Variants in MGAT4A observed in about 807,000 individuals in gnomAD.
MGAT4A encodes the protein alpha-1,3-mannosyl-glycoprotein 4-beta-N-acetylglucosaminyltransferase A, also known as N-acetylglucosaminyltransferase IVa.
MGAT4A carries 33 observed loss-of-function variants against 74.1 expected under a neutral mutation model. The observed-to-expected ratio is 0.45, with a 90% confidence interval of 0.34 to 0.60. The LOEUF (loss-of-function observed/expected upper bound fraction) is 0.60, where lower values mean the gene tolerates loss of function less well. Ranked by LOEUF, MGAT4A falls within the 20% of genes least tolerant of loss-of-function variation. The pLI, the probability that MGAT4A is intolerant of heterozygous loss-of-function variation, is 0.02. For synonymous variants in MGAT4A, 198 were observed against 210.4 expected (o/e 0.94, Z 0.51); for missense variants, 479 against 628.3 (o/e 0.76, Z 2.54).
chr2:98,667,014 C>G, intron 4 of MGAT4A, among the ~76,000 whole-genome samples: 1 of 152,174 alleles, frequency 6.6e-6, no homozygotes, highest in Admixed American at 6.5e-5. Context: ...GGGGGCAAAT[C>G]TTTCCTGTGC....
chr2:98,649,547 G>A (rs1414676329), intron 8 of MGAT4A, among the ~76,000 whole-genome samples: 2 of 152,138 alleles, frequency 1.3e-5, no homozygotes, highest in Non-Finnish European at 2.9e-5. Flanking sequence ...AGGGCACCAG[G>A]TTGGGAGCTA....
intron 2 of MGAT4A, among the ~76,000 whole-genome samples, chr2:98,686,683 A>G (rs1409984696): frequency 6.6e-6 from 1 of 152,020 alleles, no homozygotes; most frequent in Non-Finnish European, 1.5e-5. Flanking sequence ...AAGAGCTGGG[A>G]TTACAGGTGC....
chr2:98,677,877 T>G (rs778717851), intron 3 of MGAT4A, among the ~76,000 whole-genome samples: 137 of 147,426 alleles, frequency 9.3e-4, no homozygotes, highest in Non-Finnish European at 1.8e-3. Context: ...CTGAAAGGGC[T>G]GGCTTATAAA....
intron 4 of MGAT4A, among the ~76,000 whole-genome samples, chr2:98,665,077 C>T (rs1181652413): frequency 6.6e-6 from 1 of 152,058 alleles, no homozygotes; most frequent in Non-Finnish European, 1.5e-5. Flanking sequence ...TGCCTGTAAT[C>T]CCAGCACTTT....
At chr2:98,651,009 G>A (rs910018905) in intron 8 of MGAT4A, among the ~76,000 whole-genome samples, 5 of 151,976 alleles carry the variant, frequency 3.3e-5, no homozygotes, top group African/African-American at 1.2e-4. Context: ...AGGTTGCAGT[G>A]AGCTGGGATT....
chr2:98,719,529 T>C (rs191259833), intron 2 of MGAT4A, among the ~76,000 whole-genome samples: 168 of 152,104 alleles, frequency 1.1e-3, no homozygotes, highest in African/African-American at 3.8e-3. Context: ...AAAAAAATTA[T>C]GAGATGTGCA....
chr2:98,626,285 C>T (rs1701143240), intron 14 of MGAT4A, among the ~76,000 whole-genome samples: 1 of 152,126 alleles, frequency 6.6e-6, no homozygotes, highest in Non-Finnish European at 1.5e-5. Flanking sequence ...GGACTCAATA[C>T]AAGTGTATTC....
chr2:98,674,814 C>A (rs1305073380), intron 4 of MGAT4A, among the ~76,000 whole-genome samples: 1 of 152,096 alleles, frequency 6.6e-6, no homozygotes, highest in Non-Finnish European at 1.5e-5. Context: ...TGGGATGGGG[C>A]CTGAACTAGA....
chr2:98,688,202 T>C (rs1702152509), intron 2 of MGAT4A, among the ~76,000 whole-genome samples: 1 of 152,184 alleles, frequency 6.6e-6, no homozygotes, highest in South Asian at 2.1e-4. Context: ...TAGTCTTTCT[T>C]AGAAACCTCC....
chr2:98,680,790 T>C (rs901098721), intron 2 of MGAT4A, among the ~76,000 whole-genome samples: 4 of 152,166 alleles, frequency 2.6e-5, no homozygotes, highest in African/African-American at 7.2e-5. Flanking sequence ...CACAAAACTA[T>C]AAACAATTCT....
In MGAT4A at chr2:98,717,953, G is replaced by A. The variant is rs543227359; in HGVS notation, c.94+8286C>T. On this transcript the variant is annotated intron_variant, in intron 2 of 15. Transcript: ENST00000393487. ...AATTTTCCTTATATCGTATTTGAAA[G>A]CAGCTTTGCTTATTCTGTAAAGAAA... 3.3e-5 allele frequency among the ~76,000 whole-genome samples: 5 copies of A among 152,336 alleles called. No individual in the cohort carries two copies. In the South Asian group the frequency reaches 1.0e-3, roughly 32 times the overall value.
rs761124671 is a variant in MGAT4A, at chr2:98,625,805, A to C, written c.1499T>G (p.Met500Arg). The C allele has an allele frequency of 1.9e-6, 3 of 1,611,816 alleles. No individual in the cohort carries two copies. The Admixed American group carries it at 5.0e-5, about 27-fold the overall frequency. Residue 500 changes from methionine (M) to arginine (R), a missense_variant, in exon 15 of 16, where the codon ATG becomes AGG. Met to Arg is a moderately conservative substitution (Grantham distance 91). This residue lies in a region of MGAT4A where 236 missense variants were observed against 308.2 expected (regional missense o/e 0.77). Coordinates refer to ENST00000393487, the MANE Select transcript of MGAT4A (RefSeq NM_012214.3). ...AATGGGATTGAGACTTGGATCCACC[A>C]TTCCTTCTGCAACACCATTCTCAAA... ...GKFENGVAEG[M>R]VDPSLNPISA...
chr2:98,662,651 T>G (rs895272110), intron 5 of MGAT4A, among the ~76,000 whole-genome samples: 1 of 152,226 alleles, frequency 6.6e-6, no homozygotes, highest in Non-Finnish European at 1.5e-5. Flanking sequence ...GTATTTCTCA[T>G]TCACATGATT....
At chr2:98,647,603 G>A (rs1575249129) in intron 8 of MGAT4A, among the ~76,000 whole-genome samples, 1 of 152,244 alleles carries the variant, frequency 6.6e-6, no homozygotes, top group East Asian at 1.9e-4. Flanking sequence ...ACAGGCGTGA[G>A]CCACTGCGCC....
chr2:98,624,825 A>T lies in MGAT4A; in HGVS notation c.*741T>A. ...TACACCATACACAGTATAGTAAAGT[A>T]ACCCTCAGGAAGGACATTAGTCTTT... On this transcript the variant is annotated 3_prime_UTR_variant, in exon 16 of 16. Coordinates refer to ENST00000393487, the MANE Select transcript of MGAT4A (RefSeq NM_012214.3). The T allele has an allele frequency of 1.0e-6, 1 of 985,548 alleles. No individual in the cohort carries two copies. Among genetic ancestry groups the T allele is most frequent in the Non-Finnish European group, 1.2e-6 (1 of 829,596 alleles). 61.1% of individuals were successfully genotyped at this position (985,548 alleles called of 1,614,324 possible).
intron 8 of MGAT4A, among the ~76,000 whole-genome samples, chr2:98,651,744 A>G (rs190885637): frequency 3.0e-4 from 46 of 152,304 alleles, no homozygotes; most frequent in African/African-American, 1.1e-3. Context: ...AAATGGGTCA[A>G]ACATCCCAAT....
chr2:98,674,944 TGACCTCCCAG>T, intron 4 of MGAT4A, 81 bp downstream of exon 4: 1 of 1,345,142 alleles, frequency 7.4e-7, no homozygotes, highest in Non-Finnish European at 1.0e-6. Flanking sequence ...TTTCATTTTT[TGACCTCCCAG>T]ACTTCTGATG....
chr2:98,687,315 G>C (rs1206159783), intron 2 of MGAT4A, among the ~76,000 whole-genome samples: 1 of 152,108 alleles, frequency 6.6e-6, no homozygotes, highest in South Asian at 2.1e-4. Context: ...AGTTGTAACT[G>C]TTACAAACAT....
intron 2 of MGAT4A, among the ~76,000 whole-genome samples, chr2:98,700,273 T>A (rs1702334422): frequency 6.6e-6 from 1 of 150,452 alleles, no homozygotes; most frequent in Non-Finnish European, 1.5e-5. Context: ...TTTAATTCTT[T>A]AAAAGCTTGA....
Sources: gnomAD v4.1 joint callset for allele counts (sites outside exome capture counted in the v4.1 genomes callset) on GRCh38, gnomAD v4.1.1 for gene constraint, gnomAD v4.1.1 regional missense constraint, MANE v1.5 for transcripts, NCBI Gene and HGNC (gene_info 2026-07-23, HGNC 2026-07-21) for gene names.